Variants in EPHA4 observed in about 807,000 individuals in gnomAD.
The protein encoded by EPHA4 is ephrin type-A receptor 4.
EPHA4 carries 19 observed loss-of-function variants against 108.3 expected under a neutral mutation model. That is an observed-to-expected ratio of 0.18 (90% CI 0.12 to 0.26). EPHA4 has a LOEUF of 0.26. Among genes scored for constraint, EPHA4 ranks in the 10% least tolerant of loss-of-function variants. The pLI is 1.00. For synonymous variants in EPHA4, 449 were observed against 455.5 expected, an observed-to-expected ratio of 0.99 and a Z score of 0.18; for missense variants, 917 against 1,254.0, an observed-to-expected ratio of 0.73 and a Z score of 4.06.
intron 3 of EPHA4, among the ~76,000 whole-genome samples, chr2:221,530,795 G>T (rs528327933): frequency 6.6e-6 from 1 of 152,138 alleles, no homozygotes; most frequent in Non-Finnish European, 1.5e-5. Context: ...TCTGCAGGGG[G>T]TCAGTGCTTT....
intron 11 of EPHA4, chr2:221,437,458 C>T (rs1690277549): frequency 5.0e-6 from 1 of 200,316 alleles, no homozygotes; most frequent in African/African-American, 2.3e-5. Context: ...TGTTTCAATG[C>T]AGAAATAATC....
chr2:221,443,380 C>T, intron 10 of EPHA4, 113 bp downstream of exon 10: 1 of 704,594 alleles, frequency 1.4e-6, no homozygotes, highest in Admixed American at 3.2e-5. Context: ...AAGGAAATTT[C>T]ATGTATATAC....
intron 8 of EPHA4, among the ~76,000 whole-genome samples, chr2:221,446,768 C>T (rs1004572988): frequency 5.3e-5 from 8 of 152,140 alleles, no homozygotes; most frequent in Admixed American, 5.2e-4. Flanking sequence ...AAATTCCCAA[C>T]TTATTAACAA....
At chr2:221,448,181 G>C (rs766828699) in intron 8 of EPHA4, among the ~76,000 whole-genome samples, 1 of 145,926 alleles carries the variant, frequency 6.9e-6, no homozygotes, top group Non-Finnish European at 1.5e-5. Flanking sequence ...ACAACCCTTT[G>C]AAAGCAACCA....
intron 13 of EPHA4, among the ~76,000 whole-genome samples, chr2:221,434,947 G>A (rs949179314): frequency 5.3e-5 from 8 of 152,154 alleles, no homozygotes; most frequent in Middle Eastern, 3.4e-3. Context: ...TATTACCCAG[G>A]AAAAGTTGCA....
At chr2:221,442,695 A>T in intron 11 of EPHA4, 134 bp downstream of exon 11, 1 of 861,274 alleles carries the variant, frequency 1.2e-6, no homozygotes, top group Non-Finnish European at 1.8e-6. Context: ...AAGATTAATG[A>T]CTTGTCCTGC....
intron 5 of EPHA4, among the ~76,000 whole-genome samples, chr2:221,481,349 A>G (rs953622661): frequency 1.1e-4 from 1 of 9,458 alleles, no homozygotes; most frequent in Non-Finnish European, 2.0e-4. Context: ...CCCAGCCCCC[A>G]CGTCAATCAA....
At chr2:221,491,964 G>A (rs1337355380) in intron 4 of EPHA4, among the ~76,000 whole-genome samples, 2 of 151,978 alleles carry the variant, frequency 1.3e-5, no homozygotes, top group Non-Finnish European at 2.9e-5. Flanking sequence ...GCAGTGAGCT[G>A]AGATTGCACC....
In EPHA4 at chr2:221,432,166, A is replaced by G. The variant is rs144329846; in HGVS notation, c.2496+1976T>C. On this transcript the variant is annotated intron_variant, in intron 14 of 17. Coordinates refer to ENST00000281821, the MANE Select transcript of EPHA4 (RefSeq NM_004438.5). ...ATGTGTGTATATATATATAAAATACATATATATAAACTGCCAAAATTACAG... is the reference window on the plus strand; with the variant it reads ...ATGTGTGTATATATATATAAAATACGTATATATAAACTGCCAAAATTACAG... 2.8e-3 allele frequency among the ~76,000 whole-genome samples: 417 copies of G among 150,616 alleles called. 2 individuals carry two copies. The highest frequency in any genetic ancestry group is 9.3e-3 in the African/African-American group (383 of 41,214).
intron 3 of EPHA4, among the ~76,000 whole-genome samples, chr2:221,542,734 C>G (rs983631095): frequency 6.6e-6 from 1 of 152,098 alleles, no homozygotes; most frequent in East Asian, 1.9e-4. Context: ...GAGTTAGAGG[C>G]GATAATTTGC....
In EPHA4 at chr2:221,442,305, T is replaced by C. The variant is rs148227543; in HGVS notation, c.2074+524A>G. Among the ~76,000 whole-genome samples the C allele has an allele frequency of 4.5e-3, 685 of 152,314 alleles. 2 individuals are homozygous for C. The highest frequency in any genetic ancestry group is 0.02 in the Middle Eastern group (6 of 294). On this transcript the variant is annotated intron_variant, in intron 11 of 17. Coordinates refer to ENST00000281821, the MANE Select transcript of EPHA4 (RefSeq NM_004438.5). ...GGTTCATAGGCTCAGCGAATGCTAATGGACTAAAAAAGGAAAGTTCAACCA... is the reference window on the plus strand; with the variant it reads ...GGTTCATAGGCTCAGCGAATGCTAACGGACTAAAAAAGGAAAGTTCAACCA...
At chr2:221,430,936 T>G (rs2106093356) in intron 14 of EPHA4, among the ~76,000 whole-genome samples, 1 of 152,242 alleles carries the variant, frequency 6.6e-6, no homozygotes, top group East Asian at 1.9e-4. Context: ...GTGCCCAGAG[T>G]GGTCTCCTTG....
At chr2:221,493,516 A>C (rs1692212080) in intron 4 of EPHA4, among the ~76,000 whole-genome samples, 1 of 152,234 alleles carries the variant, frequency 6.6e-6, no homozygotes, top group African/African-American at 2.4e-5. Flanking sequence ...ACAAGTAAGG[A>C]CGATGTTATT....
intron 3 of EPHA4, among the ~76,000 whole-genome samples, chr2:221,527,782 C>T (rs1185903890): frequency 1.3e-5 from 2 of 152,124 alleles, no homozygotes; most frequent in Admixed American, 1.3e-4. Flanking sequence ...TACCATTTTA[C>T]AGAAGAGGAA....
Position 221,571,722 on chromosome 2 carries a change from C to T in EPHA4, c.91+436G>A, listed in dbSNP as rs554390139. ...TCGGGAAACTTTGCAGAAACCAGAG[C>T]TCGAAAGGCTTTCGCTAGAATCCGG... On this transcript the variant is annotated intron_variant, in intron 1 of 17. Coordinates refer to ENST00000281821, the MANE Select transcript of EPHA4 (RefSeq NM_004438.5). The surrounding 1 kb of genome is among the most constrained non-coding windows in gnomAD (Gnocchi z 6.3). Among the ~76,000 whole-genome samples the T allele has an allele frequency of 1.5e-4, 23 of 152,346 alleles. No homozygotes were observed. Among genetic ancestry groups the T allele is most frequent in the Non-Finnish European group, 2.6e-4 (18 of 68,032 alleles).
intron 4 of EPHA4, among the ~76,000 whole-genome samples, chr2:221,493,688 A>G (rs1344305202): frequency 2.0e-5 from 3 of 152,208 alleles, no homozygotes. Context: ...CTGAAATGGT[A>G]ATTTTAAAAC....
chr2:221,471,309 T>C (rs977033440), intron 5 of EPHA4, among the ~76,000 whole-genome samples: 42 of 152,160 alleles, frequency 2.8e-4, no homozygotes, highest in Admixed American at 1.8e-3. Context: ...GCCTCTCTCA[T>C]GAACTCAATT....
At chr2:221,566,950 G>GA (rs1694677712) in intron 2 of EPHA4, among the ~76,000 whole-genome samples, 1 of 7,116 alleles carries the variant, frequency 1.4e-4, no homozygotes, top group Non-Finnish European at 3.2e-4. Flanking sequence ...GAAGGAGAAG[G>GA]AGAAGGGGAA....
In EPHA4 at chr2:221,498,790, CTT is replaced by C. The variant is rs757231773; in HGVS notation, c.979+2225_979+2226del. 3.1e-3 allele frequency among the ~76,000 whole-genome samples: 423 copies of C among 135,666 alleles called. 3 individuals are homozygous for C. Among genetic ancestry groups the C allele is most frequent in the African/African-American group, 0.012 (409 of 35,222 alleles). 89.0% of individuals were successfully genotyped at this position (135,666 alleles called of 152,430 possible). A position where few individuals can be genotyped will look rare whatever the true frequency, so the allele number is the denominator to read the frequency against. ...CACCAGTCCTGGCTATTTTTTTTTT[CTT>C]TTTTTTTTTTTTTTTGAGACGACAG... On this transcript the variant is annotated intron_variant, in intron 4 of 17. Coordinates refer to ENST00000281821, the MANE Select transcript of EPHA4 (RefSeq NM_004438.5).
Sources: allele counts gnomAD v4.1 joint callset (sites outside exome capture counted in the v4.1 genomes callset), GRCh38; gene constraint gnomAD v4.1.1; non-coding constraint Gnocchi (gnomAD v3.1); transcripts MANE v1.5; gene names NCBI Gene and HGNC (gene_info 2026-07-23, HGNC 2026-07-21).